TMED3: variants seen among roughly 807,000 people sequenced by gnomAD.
TMED3 encodes transmembrane p24 trafficking protein 3, also known as transmembrane emp24 domain-containing protein 3.
In TMED3, 9 loss-of-function variants were observed where a neutral mutation model predicts 15.0. The observed-to-expected ratio is 0.60, with a 90% CI of 0.36 to 1.04. TMED3 has a LOEUF of 1.04. Ranked by LOEUF, TMED3 falls within the 50% of genes least tolerant of loss-of-function variation. TMED3 has a pLI of 0.01. For missense variants in TMED3, 267 were observed against 278.9 expected, an observed-to-expected ratio of 0.96 and a Z score of 0.30; for synonymous variants, 117 against 121.4, an observed-to-expected ratio of 0.96 and a Z score of 0.24.
At chr15:79,397,382 C>T (rs568249675) in intron 2 of TMED3, among the ~76,000 whole-genome samples, 4 of 152,192 alleles carry the variant, frequency 2.6e-5, no homozygotes, top group Admixed American at 6.5e-5. Flanking sequence ...TTGAGTTTTG[C>T]GCTCTCTGCC....
At chr15:79,376,008 T>G (rs1893417917) in intron 2 of TMED3, among the ~76,000 whole-genome samples, 1 of 151,962 alleles carries the variant, frequency 6.6e-6, no homozygotes, top group African/African-American at 2.4e-5. Context: ...AGCGATTTAC[T>G]CTTCTACTAT....
intron 2 of TMED3, among the ~76,000 whole-genome samples, chr15:79,344,535 G>GTC (rs1248936123): frequency 7.9e-5 from 12 of 152,072 alleles, no homozygotes; most frequent in Admixed American, 7.9e-4. Flanking sequence ...TGGTTTCTTG[G>GTC]TCTCTCTCTC....
intron 2 of TMED3, among the ~76,000 whole-genome samples, chr15:79,347,150 A>C (rs1174343228): frequency 6.6e-6 from 1 of 152,178 alleles, no homozygotes; most frequent in African/African-American, 2.4e-5. Context: ...GGCAAACTGA[A>C]TCCAGCAGCA....
At chr15:79,372,530 C>T (rs968743712) in intron 2 of TMED3, among the ~76,000 whole-genome samples, 3 of 152,196 alleles carry the variant, frequency 2.0e-5, no homozygotes, top group Non-Finnish European at 2.9e-5. Flanking sequence ...TCCTCAAAAT[C>T]ATGGCCGGAG....
At chr15:79,383,117 C>A in intron 2 of TMED3, 1 of 1,206,120 alleles carries the variant, frequency 8.3e-7, no homozygotes, top group Non-Finnish European at 1.2e-6. Flanking sequence ...GTACCCACAG[C>A]TTTACTGCCA....
intron 2 of TMED3, among the ~76,000 whole-genome samples, chr15:79,319,335 GA>G (rs926313836): frequency 2.0e-5 from 3 of 152,264 alleles, no homozygotes; most frequent in Non-Finnish European, 2.9e-5. Context: ...TGCAGAGGCA[GA>G]AGGGAAGCTT....
At position 79,357,005 on chromosome 15, in the gene TMED3, A is replaced by G. The variant is rs114771709; in HGVS notation, c.417+43000A>G. Among the ~76,000 whole-genome samples the G allele has an allele frequency of 1.7e-4, 25 of 151,352 alleles. No individual in the cohort carries two copies. In the East Asian group the frequency reaches 3.5e-3, roughly 21 times the overall value. On this transcript the variant is annotated intron_variant, in intron 2 of 2. Coordinates refer to the TMED3 transcript ENST00000424155. ...AAGCAAACTGAAAAACAGAATGTGT[A>G]GTATGAACCCATTTAAAATAAAAAG...
At chr15:79,365,658 T>G (rs1223180451) in intron 2 of TMED3, among the ~76,000 whole-genome samples, 1 of 152,246 alleles carries the variant, frequency 6.6e-6, no homozygotes, top group Non-Finnish European at 1.5e-5. Flanking sequence ...ATCAGCACTT[T>G]ACGTAAGATA....
intron 2 of TMED3, among the ~76,000 whole-genome samples, chr15:79,365,075 CAG>C (rs1023743866): frequency 1.3e-5 from 2 of 152,258 alleles, no homozygotes; most frequent in Non-Finnish European, 2.9e-5. Flanking sequence ...CCTCTCCCCT[CAG>C]GGGTTTGAGC....
chr15:79,316,555 A>T (rs1434228773), intron 2 of TMED3, among the ~76,000 whole-genome samples: 1 of 152,222 alleles, frequency 6.6e-6, no homozygotes, highest in Non-Finnish European at 1.5e-5. Context: ...TGAGGGCTGC[A>T]GGAATTTGTC....
Position 79,311,254 on chromosome 15 carries a change from G to A in TMED3, c.5G>A (p.Gly2Asp), listed in dbSNP as rs769443494. ...CGAGACGGGACCGAGAGCATCATGGGCAGCACTGTCCCGCGCTCCGCCTCC... is the reference window on the plus strand; with the variant it reads ...CGAGACGGGACCGAGAGCATCATGGACAGCACTGTCCCGCGCTCCGCCTCC... M[G>D]STVPRSASVL... The change falls in exon 1 of 3, where the codon GGC becomes GAC. Residue 2 changes from glycine to aspartate, a missense_variant. Coordinates refer to ENST00000299705, the MANE Select transcript of TMED3 (RefSeq NM_007364.4). The A allele has an allele frequency of 2.5e-6, 4 of 1,600,202 alleles. No individual in the cohort carries two copies. The highest frequency in any genetic ancestry group is 2.1e-4 in the Middle Eastern group (1 of 4,730).
rs145911888 is a variant in TMED3, at chr15:79,411,762, TA to T, written c.*259del. 9.1e-3 allele frequency: 3,979 copies of T among 435,884 alleles called. 151 individuals are homozygous for T. Among genetic ancestry groups the T allele is most frequent in the East Asian group, 0.078 (1,939 of 24,842 alleles). 27.0% of individuals were successfully genotyped at this position (435,884 alleles called of 1,614,324 possible). On this transcript the variant is annotated 3_prime_UTR_variant, in exon 3 of 3. Coordinates refer to the TMED3 transcript ENST00000424155. ...CAGGGAGAGTTGCTTGGAGAAGTGG[TA>T]GGGGCAGCACTTCAGCCTGGGTGGA...
At chr15:79,369,126 C>G (rs73473739) in intron 2 of TMED3, among the ~76,000 whole-genome samples, 5,008 of 151,736 alleles carry the variant, frequency 0.033, 264 homozygotes, top group African/African-American at 0.11. Context: ...GCAAATATAG[C>G]CTTTTACCTC....
intron 2 of TMED3, among the ~76,000 whole-genome samples, chr15:79,406,537 C>A (rs1893906169): frequency 6.6e-6 from 1 of 152,132 alleles, no homozygotes; most frequent in Non-Finnish European, 1.5e-5. Context: ...TGCACACATA[C>A]AATTATTCTG....
chr15:79,342,745 T>C (rs1443544204), intron 2 of TMED3, among the ~76,000 whole-genome samples: 1 of 152,176 alleles, frequency 6.6e-6, no homozygotes, highest in Non-Finnish European at 1.5e-5. Context: ...AAGTAGTTAA[T>C]AACCATTTGT....
At chr15:79,395,424 A>G (rs1302364175) in intron 2 of TMED3, among the ~76,000 whole-genome samples, 1 of 151,928 alleles carries the variant, frequency 6.6e-6, no homozygotes, top group African/African-American at 2.4e-5. Context: ...CAGGTGATCC[A>G]CCCGCATGGG....
chr15:79,411,590 C>A, exon 3 of TMED3: 2 of 678,342 alleles, frequency 2.9e-6, no homozygotes, highest in Admixed American at 2.0e-5. Flanking sequence ...CTGCACAGAG[C>A]TACCATGCAC....
chr15:79,387,540 C>A (rs1042340872), intron 2 of TMED3, among the ~76,000 whole-genome samples: 1 of 151,770 alleles, frequency 6.6e-6, no homozygotes, highest in African/African-American at 2.4e-5. Context: ...TTTGCATTTC[C>A]GTGAAAATGT....
chr15:79,368,937 C>T (rs761132286), intron 2 of TMED3, among the ~76,000 whole-genome samples: 1 of 150,780 alleles, frequency 6.6e-6, no homozygotes, highest in Non-Finnish European at 1.5e-5. Context: ...AAAACACACG[C>T]AAAAAAAATT....
Sources: gnomAD v4.1 joint callset for allele counts (sites outside exome capture counted in the v4.1 genomes callset) on GRCh38, gnomAD v4.1.1 for gene constraint, MANE v1.5 for transcripts, NCBI Gene and HGNC (gene_info 2026-07-23, HGNC 2026-07-21) for gene names.